ARHGAP32: variants seen among roughly 807,000 people sequenced by gnomAD.
ARHGAP32 encodes the protein rho GTPase-activating protein 32.
A neutral mutation model predicts 186.5 loss-of-function variants in ARHGAP32; 51 were observed. That is an observed-to-expected ratio of 0.27 (90% CI 0.22 to 0.35). ARHGAP32 has a LOEUF of 0.35. ARHGAP32 is among the 10% of genes least tolerant of loss of function. The pLI is 1.00. For missense variants in ARHGAP32, 2,186 were observed against 2,623.5 expected (o/e 0.83, Z 3.64); for synonymous variants, 950 against 964.3 (o/e 0.99, Z 0.27).
chr11:129,161,235 T>C (rs12417000), intron 2 of ARHGAP32, among the ~76,000 whole-genome samples: 201 of 151,938 alleles, frequency 1.3e-3, no homozygotes, highest in Admixed American at 1.8e-3. Flanking sequence ...ATTCAGGACA[T>C]AGGCATGGGC....
At chr11:129,185,470 G>C (rs1193805076) in intron 1 of ARHGAP32, among the ~76,000 whole-genome samples, 1 of 152,192 alleles carries the variant, frequency 6.6e-6, no homozygotes, top group East Asian at 1.9e-4. Flanking sequence ...GGGGAGAGGA[G>C]AGGGATAGCA....
In ARHGAP32 at chr11:128,972,801, C is replaced by A. The variant is rs1945423176; in HGVS notation, c.3705G>T (p.Val1235=). 5 of 1,613,732 alleles carry A rather than the reference C, an allele frequency of 3.1e-6. No homozygotes were observed. The highest frequency in any genetic ancestry group is 4.2e-6 in the Non-Finnish European group (5 of 1,180,018). The stretch of plus-strand genomic sequence containing the variant: ...ATTCTAAAGGGTGATGGAGTTTATC[C>A]ACACTTGCACCAAGATAAGAAGGAG... ...DQPPSYLGAS[V]DKLHHPLEFA... The change falls in exon 22 of 23, where the codon GTG becomes GTT. Residue 1235 remains valine (V), a synonymous_variant. Transcript: ENST00000682385.
chr11:129,187,397 G>C (rs1212851847), intron 1 of ARHGAP32, among the ~76,000 whole-genome samples: 2 of 151,270 alleles, frequency 1.3e-5, no homozygotes, highest in Non-Finnish European at 2.9e-5. Flanking sequence ...GTGGGAGGCT[G>C]GTGGGGATAG....
At chr11:129,255,014 C>T (rs755556436) in intron 1 of ARHGAP32, among the ~76,000 whole-genome samples, 8 of 152,012 alleles carry the variant, frequency 5.3e-5, no homozygotes, top group African/African-American at 1.2e-4. Flanking sequence ...GCTGTATGGT[C>T]AAAGTTAGAA....
At chr11:128,993,681 C>T (rs1221994271) in intron 12 of ARHGAP32, among the ~76,000 whole-genome samples, 1 of 150,738 alleles carries the variant, frequency 6.6e-6, no homozygotes, top group Non-Finnish European at 1.5e-5. Flanking sequence ...AGGTCATGGA[C>T]AATACATATG....
intron 15 of ARHGAP32, among the ~76,000 whole-genome samples, chr11:128,983,487 C>A (rs1945770543): frequency 1.3e-5 from 2 of 151,056 alleles, no homozygotes; most frequent in South Asian, 2.1e-4. Flanking sequence ...CACACCGGGG[C>A]CTGTTGTGGG....
At chr11:129,055,859 A>G (rs1465146466) in intron 10 of ARHGAP32, among the ~76,000 whole-genome samples, 2 of 152,248 alleles carry the variant, frequency 1.3e-5, no homozygotes, top group African/African-American at 4.8e-5. Context: ...GCTATTACAC[A>G]TTTGTCAAAA....
chr11:128,972,940 T>C lies in ARHGAP32; in HGVS notation c.3566A>G (p.Lys1189Arg). 3.7e-6 allele frequency: 6 copies of C among 1,614,024 alleles called. No individual in the cohort carries two copies. The highest frequency in any genetic ancestry group is 5.1e-6 in the Non-Finnish European group (6 of 1,180,018). ...AGGGAAACTTACATGATCATCAGAC[T>C]TCTCTGAGTCTAAGGGAACTGAAGT... ...RITSVPLDSE[K>R]SDDHVSFPED... is the part of the protein sequence containing the mutation. Residue 1189 changes from lysine (K) to arginine (R), a missense_variant, in exon 22 of 23, where the codon AAG becomes AGG. By Grantham distance (26) the Lys-to-Arg change is conservative. Transcript: ENST00000682385.
At chr11:129,035,968 C>T (rs1426195303) in intron 11 of ARHGAP32, among the ~76,000 whole-genome samples, 1 of 152,166 alleles carries the variant, frequency 6.6e-6, no homozygotes, top group Non-Finnish European at 1.5e-5. Flanking sequence ...AATAACAATG[C>T]TATGCAGGTC....
chr11:129,159,086 G>A (rs1943474270), intron 2 of ARHGAP32, among the ~76,000 whole-genome samples: 1 of 152,166 alleles, frequency 6.6e-6, no homozygotes, highest in East Asian at 1.9e-4. Flanking sequence ...TTGCATTAAT[G>A]ACCACAGGAG....
At chr11:129,003,282 C>T (rs191335982) in intron 11 of ARHGAP32, among the ~76,000 whole-genome samples, 9 of 152,180 alleles carry the variant, frequency 5.9e-5, no homozygotes, top group Non-Finnish European at 1.3e-4. Flanking sequence ...TTATTGAATT[C>T]AGTTTGCTAG....
At chr11:129,054,932 G>T (rs1940190203) in intron 10 of ARHGAP32, among the ~76,000 whole-genome samples, 1 of 152,176 alleles carries the variant, frequency 6.6e-6, no homozygotes, top group African/African-American at 2.4e-5. Flanking sequence ...TGTTCCCACG[G>T]CTAAATTATG....
intron 2 of ARHGAP32, among the ~76,000 whole-genome samples, chr11:129,151,026 T>G (rs1288817679): frequency 1.3e-5 from 2 of 148,994 alleles, no homozygotes; most frequent in East Asian, 3.9e-4. Context: ...GGTAAAGGGG[T>G]GGGAAAAGAT....
At chr11:129,116,693 A>G (rs1942378807) in intron 5 of ARHGAP32, among the ~76,000 whole-genome samples, 1 of 152,010 alleles carries the variant, frequency 6.6e-6, no homozygotes, top group South Asian at 2.1e-4. Context: ...TAACCTTTTC[A>G]TTAATTTATT....
chr11:129,106,850 A>G (rs1942062035), intron 5 of ARHGAP32, among the ~76,000 whole-genome samples: 1 of 152,228 alleles, frequency 6.6e-6, no homozygotes, highest in South Asian at 2.1e-4. Flanking sequence ...TATGAGACCC[A>G]TCAAGTGGAC....
At chr11:129,197,608 A>G (rs752488410) in intron 1 of ARHGAP32, among the ~76,000 whole-genome samples, 2 of 152,312 alleles carry the variant, frequency 1.3e-5, no homozygotes, top group Non-Finnish European at 2.9e-5. Flanking sequence ...TGTGTAATAT[A>G]TATGTATGTA....
chr11:129,204,244 C>T (rs925679586), intron 1 of ARHGAP32, among the ~76,000 whole-genome samples: 4 of 151,684 alleles, frequency 2.6e-5, no homozygotes, highest in Non-Finnish European at 4.4e-5. Context: ...TCCTGCTCAC[C>T]GCTGTAACTG....
chr11:129,042,175 G>C (rs1415760066), intron 10 of ARHGAP32, among the ~76,000 whole-genome samples: 1 of 152,116 alleles, frequency 6.6e-6, no homozygotes. Context: ...TTTTGAGACA[G>C]GGTCTCATTC....
At chr11:129,213,105 TAA>T (rs1046358754) in intron 1 of ARHGAP32, among the ~76,000 whole-genome samples, 2 of 152,306 alleles carry the variant, frequency 1.3e-5, no homozygotes, top group African/African-American at 4.8e-5. Context: ...AAATATAGTA[TAA>T]GACATATGCA....
Sources: allele counts gnomAD v4.1 joint callset (sites outside exome capture counted in the v4.1 genomes callset), GRCh38; gene constraint gnomAD v4.1.1; transcripts MANE v1.5; gene names NCBI Gene and HGNC (gene_info 2026-07-23, HGNC 2026-07-21).